Variants in HEATR1 observed in about 807,000 individuals in gnomAD.
HEATR1 encodes the protein HEAT repeat-containing protein 1.
A neutral mutation model predicts 248.2 loss-of-function variants in HEATR1; 77 were observed. The ratio of observed to expected loss-of-function variants is 0.31; its 90% confidence interval spans 0.26 to 0.37. HEATR1 has a LOEUF of 0.37. HEATR1 is among the 10% of genes least tolerant of loss of function. The pLI, the probability that HEATR1 is intolerant of heterozygous loss-of-function variation, is 1.00. For synonymous variants in HEATR1, 897 were observed against 923.1 expected (o/e 0.97, Z 0.51); for missense variants, 2,420 against 2,504.9 (o/e 0.97, Z 0.72).
intron 20 of HEATR1, among the ~76,000 whole-genome samples, chr1:236,580,166 T>C (rs1274122585): frequency 1.3e-5 from 2 of 152,254 alleles, no homozygotes; most frequent in Admixed American, 6.5e-5. Context: ...CATTGTTTCA[T>C]GAAATTCTGC....
Position 236,558,225 on chromosome 1 carries a change from C to T in HEATR1, c.5204+12G>A. The T allele has an allele frequency of 6.2e-7, 1 of 1,605,884 alleles. No individual in the cohort carries two copies. The highest frequency in any genetic ancestry group is 8.5e-7 in the Non-Finnish European group (1 of 1,176,292). On this transcript the variant is annotated intron_variant, in intron 36 of 44. Coordinates refer to ENST00000366582, the MANE Select transcript of HEATR1 (RefSeq NM_018072.6). The stretch of plus-strand genomic sequence containing the variant: ...CGGTAACAGCTCCTGTTCCAAGTCT[C>T]CGGCCGCATACCTGGGAAGCTGGGG...
intron 6 of HEATR1, 22 bp from the exon 7 acceptor site, chr1:236,596,066 G>T: frequency 6.6e-7 from 1 of 1,517,736 alleles, no homozygotes; most frequent in Non-Finnish European, 9.1e-7. Context: ...TTAAATATAA[G>T]GAAAAATGAT....
chr1:236,553,468 C>T (rs1662844072), intron 43 of HEATR1, 113 bp downstream of exon 43: 4 of 1,050,744 alleles, frequency 3.8e-6, no homozygotes, highest in Non-Finnish European at 5.5e-6. Flanking sequence ...TGACAAATAG[C>T]AATGTTCTTC....
intron 1 of HEATR1, 67 bp from the exon 2 acceptor site, chr1:236,604,194 C>T (rs2102804783): frequency 3.1e-6 from 4 of 1,288,710 alleles, no homozygotes; most frequent in Non-Finnish European, 4.2e-6. Context: ...ACAAACAATT[C>T]TCTTCTGCAC....
At chr1:236,578,732 A>G (rs539029478) in intron 20 of HEATR1, among the ~76,000 whole-genome samples, 1 of 152,330 alleles carries the variant, frequency 6.6e-6, no homozygotes, top group African/African-American at 2.4e-5. Context: ...AACATGACCT[A>G]TAGTTTTTGT....
chr1:236,585,323 T>C, intron 16 of HEATR1, 107 bp from the exon 17 acceptor site: 1 of 872,250 alleles, frequency 1.1e-6, no homozygotes, highest in Non-Finnish European at 1.7e-6. Flanking sequence ...TAAAGTGAGA[T>C]GACAAACAGA....
intron 20 of HEATR1, among the ~76,000 whole-genome samples, chr1:236,577,379 G>C (rs1663590747): frequency 2.0e-5 from 3 of 152,040 alleles, no homozygotes; most frequent in African/African-American, 7.2e-5. Context: ...TCGAACTCCT[G>C]ACCTCAAGTG....
intron 11 of HEATR1, 40 bp downstream of exon 11, chr1:236,591,953 G>A: frequency 7.9e-7 from 1 of 1,266,898 alleles, no homozygotes; most frequent in Non-Finnish European, 1.1e-6. Flanking sequence ...CCATACAAAT[G>A]TACCCCAAAT....
Position 236,557,267 on chromosome 1 carries a change from C to T in HEATR1, c.5283G>A (p.Leu1761=). ...VSSEVYLLSA[L]AALQKVVETL... is the part of the protein sequence containing the mutation. ...TCTCCACAACCTTCTGCAGAGCAGC[C>T]AAGGCACTGAGCAGGTAGACCTCGC... is the stretch of plus-strand genomic sequence containing the variant. Residue 1761 remains leucine (L), a synonymous_variant, in exon 37 of 45, where the codon TTG becomes TTA. Coordinates refer to ENST00000366582, the MANE Select transcript of HEATR1 (RefSeq NM_018072.6). 2.5e-6 allele frequency: 4 copies of T among 1,614,182 alleles called. No individual in the cohort carries two copies. In the South Asian group the frequency reaches 3.3e-5, roughly 13 times the overall value.
At chr1:236,581,075 C>G (rs1663723546) in intron 20 of HEATR1, 147 bp downstream of exon 20, 1 of 617,982 alleles carries the variant, frequency 1.6e-6, no homozygotes, top group Non-Finnish European at 2.8e-6. Flanking sequence ...GCTTCGGCCT[C>G]CCAAAGTGCT....
At chr1:236,588,866 C>T (rs1200921970) in intron 12 of HEATR1, among the ~76,000 whole-genome samples, 1 of 152,128 alleles carries the variant, frequency 6.6e-6, no homozygotes, top group Non-Finnish European at 1.5e-5. Flanking sequence ...ATCCCAGCTA[C>T]TCTGGAGGCT....
intron 19 of HEATR1, 137 bp downstream of exon 19, chr1:236,582,599 C>G (rs966584306): frequency 1.2e-6 from 1 of 807,742 alleles, no homozygotes; most frequent in Non-Finnish European, 2.0e-6. Context: ...AATGGAGTTT[C>G]ACTATGTTGG....
intron 2 of HEATR1, 73 bp from the exon 3 acceptor site, chr1:236,603,449 TTTAC>T: frequency 8.4e-7 from 1 of 1,185,914 alleles, no homozygotes; most frequent in Admixed American, 1.8e-5. Context: ...CTTTTACAGT[TTTAC>T]TTACCCCTAA....
At chr1:236,574,521 C>T (rs968340508) in intron 23 of HEATR1, 140 bp downstream of exon 23, 1 of 1,235,978 alleles carries the variant, frequency 8.1e-7, no homozygotes, top group Non-Finnish European at 1.1e-6. Flanking sequence ...ACATCATTTT[C>T]CTTTAAAACG....
intron 32 of HEATR1, among the ~76,000 whole-genome samples, chr1:236,563,515 G>A (rs1006478511): frequency 7.9e-5 from 12 of 151,956 alleles, no homozygotes; most frequent in South Asian, 4.1e-4. Context: ...CTCATGATCC[G>A]CCCGCCTCGG....
Position 236,586,258 on chromosome 1 carries a change from A to G in HEATR1, c.1910T>C (p.Leu637Ser). The change falls in exon 15 of 45, where the codon TTA becomes TCA. Residue 637 changes from leucine (L) to serine (S), a missense_variant. Coordinates refer to ENST00000366582, the MANE Select transcript of HEATR1 (RefSeq NM_018072.6). Reference protein sequence around the residue: ...KSGICSLHPLLRGWEEALENV... With the variant: ...KSGICSLHPLSRGWEEALENV... ...TTTTTTACCTTCTTCCCAGCCTCTT[A>G]ATAGAGGGTGCAGGGAGCAGATTCC... The G allele has an allele frequency of 6.2e-7, 1 of 1,610,440 alleles. No individual in the cohort carries two copies. Among genetic ancestry groups the G allele is most frequent in the East Asian group, 2.2e-5 (1 of 44,810 alleles).
rs777950667 is a variant in HEATR1 at position 236,603,946 on chromosome 1, T to C, written c.142+8A>G. The stretch of plus-strand genomic sequence containing the variant: ...CCAAGAGCTTTTCTAAGTTAAAAGA[T>C]GGCTCACCAATGGCGAAGGCGGTGT... On this transcript the variant is annotated splice_region_variant and intron_variant, in intron 2 of 44. Coordinates refer to ENST00000366582, the MANE Select transcript of HEATR1 (RefSeq NM_018072.6). 7.6e-6 allele frequency: 12 copies of C among 1,585,974 alleles called. No homozygotes were observed. The Middle Eastern group carries it at 1.2e-3, about 155-fold the overall frequency.
At chr1:236,583,985 G>T (rs746481064) in intron 17 of HEATR1, among the ~76,000 whole-genome samples, 3 of 152,106 alleles carry the variant, frequency 2.0e-5, no homozygotes, top group Non-Finnish European at 4.4e-5. Flanking sequence ...AAAGAATGCA[G>T]AACAGGTGTA....
chr1:236,576,473 C>T (rs950386667), intron 21 of HEATR1, 96 bp from the exon 22 acceptor site: 114 of 919,194 alleles, frequency 1.2e-4, no homozygotes, highest in Non-Finnish European at 1.7e-4. Flanking sequence ...AATGATGTGA[C>T]ATTGTTTATA....
Sources: gnomAD v4.1 joint callset for allele counts (sites outside exome capture counted in the v4.1 genomes callset) on GRCh38, gnomAD v4.1.1 for gene constraint, MANE v1.5 for transcripts, NCBI Gene and HGNC (gene_info 2026-07-23, HGNC 2026-07-21) for gene names.